Variants in GALNT7 observed in about 807,000 individuals in gnomAD.
The protein encoded by GALNT7 is polypeptide N-acetylgalactosaminyltransferase 7.
A neutral mutation model predicts 82.1 loss-of-function variants in GALNT7; 60 were observed. That is an observed-to-expected ratio of 0.73 (90% CI 0.59 to 0.91). The LOEUF is 0.91. Among genes scored for constraint, GALNT7 ranks in the 40% least tolerant of loss-of-function variants. The probability of loss-of-function intolerance (pLI) is 0.00; values close to 1 mark genes in which losing one functional copy is unlikely to be tolerated. For missense variants in GALNT7, 660 were observed against 804.2 expected, an observed-to-expected ratio of 0.82 and a Z score of 2.17; for synonymous variants, 243 against 275.1, an observed-to-expected ratio of 0.88 and a Z score of 1.15.
chr4:173,186,609 A>G (rs1732468929), intron 1 of GALNT7, among the ~76,000 whole-genome samples: 1 of 152,216 alleles, frequency 6.6e-6, no homozygotes, highest in African/African-American at 2.4e-5. Flanking sequence ...TTAAAAATGA[A>G]AATACTTAAG....
intron 2 of GALNT7, among the ~76,000 whole-genome samples, chr4:173,266,339 C>T (rs956600003): frequency 4.6e-5 from 7 of 152,106 alleles, no homozygotes; most frequent in African/African-American, 7.2e-5. Context: ...TGTGAGAGAT[C>T]CCTCACTTTG....
rs956511120 is a variant in GALNT7, at chr4:173,184,309, A to G, written c.126+15348A>G. On this transcript the variant is annotated intron_variant, in intron 1 of 11. Coordinates refer to ENST00000265000, the MANE Select transcript of GALNT7 (RefSeq NM_017423.3). Reference sequence around the variant, plus strand: ...GCCACTGCACTCCAGCCTGGGCAACATTGAGCACTGAGTGAGCGAGACTCC... The same window carrying G: ...GCCACTGCACTCCAGCCTGGGCAACGTTGAGCACTGAGTGAGCGAGACTCC... 2.6e-5 allele frequency among the ~76,000 whole-genome samples: 4 copies of G among 152,156 alleles called. No individual in the cohort carries two copies. In the South Asian group the frequency reaches 6.2e-4, roughly 24 times the overall value.
intron 1 of GALNT7, among the ~76,000 whole-genome samples, chr4:173,229,098 C>T (rs961108255): frequency 6.6e-5 from 10 of 152,164 alleles, no homozygotes; most frequent in Admixed American, 6.5e-5. Context: ...ATAGCAAGCA[C>T]GGTAGCTCAG....
At chr4:173,310,775 G>GC (rs1038987945) in intron 8 of GALNT7, among the ~76,000 whole-genome samples, 1 of 152,018 alleles carries the variant, frequency 6.6e-6, no homozygotes, top group Non-Finnish European at 1.5e-5. Flanking sequence ...CACTCTTGTT[G>GC]CCCAGGCTAG....
chr4:173,182,032 C>T (rs1429907431), intron 1 of GALNT7, among the ~76,000 whole-genome samples: 1 of 152,190 alleles, frequency 6.6e-6, no homozygotes, highest in African/African-American at 2.4e-5. Context: ...TTGACCACCG[C>T]TCTGTTAACT....
intron 1 of GALNT7, among the ~76,000 whole-genome samples, chr4:173,190,460 A>G (rs1028056134): frequency 1.3e-5 from 2 of 152,224 alleles, no homozygotes; most frequent in Non-Finnish European, 2.9e-5. Flanking sequence ...AAAGTTGTAT[A>G]AGTAAGGGTC....
chr4:173,267,857 G>T (rs1316036907), intron 2 of GALNT7, among the ~76,000 whole-genome samples: 1 of 152,142 alleles, frequency 6.6e-6, no homozygotes, highest in Non-Finnish European at 1.5e-5. Flanking sequence ...CCACCGGTTG[G>T]AGGTCACAGT....
intron 1 of GALNT7, among the ~76,000 whole-genome samples, chr4:173,183,858 C>T (rs373606522): frequency 0.014 from 2,080 of 150,300 alleles, 39 homozygotes; most frequent in East Asian, 0.059. Context: ...GGCTGCCGGG[C>T]GGAGACGCTC....
chr4:173,248,544 T>G, intron 2 of GALNT7, 104 bp downstream of exon 2: 1 of 717,656 alleles, frequency 1.4e-6, no homozygotes, highest in Non-Finnish European at 2.3e-6. Flanking sequence ...ATTGATGCCT[T>G]TATTTCAAGG....
intron 2 of GALNT7, among the ~76,000 whole-genome samples, chr4:173,277,561 G>A (rs570294047): frequency 1.3e-5 from 2 of 152,258 alleles, no homozygotes; most frequent in African/African-American, 2.4e-5. Flanking sequence ...ACGTCACATG[G>A]TTGCTTTTTC....
intron 10 of GALNT7, 88 bp from the exon 11 acceptor site, chr4:173,318,343 A>T: frequency 1.0e-6 from 1 of 953,072 alleles, no homozygotes; most frequent in Non-Finnish European, 1.6e-6. Flanking sequence ...CATTCAATTT[A>T]ATTATAGGAG....
chr4:173,198,908 G>C (rs1732861918), intron 1 of GALNT7, among the ~76,000 whole-genome samples: 2 of 152,228 alleles, frequency 1.3e-5, no homozygotes, highest in African/African-American at 2.4e-5. Context: ...GTCATAAAAG[G>C]CCTCTTGAAG....
Position 173,295,395 on chromosome 4 carries a change from GA to G in GALNT7, c.756del (p.Glu252AspfsTer3). ...TAATATCGATTGATTTTTCTTAACA[GA>G]ACACTTAAAAGAAAAACTGGATGAA... is the stretch of plus-strand genomic sequence containing the variant. ...IVLIDDFSNKEHLKEKLDEYI... is the reference protein window; with the variant it reads ...IVLIDDFSNKXHLKEKLDEYI... On this transcript the variant is annotated frameshift_variant and splice_region_variant, in exon 4 of 12. Coordinates refer to ENST00000265000, the MANE Select transcript of GALNT7 (RefSeq NM_017423.3). LOFTEE classifies it high-confidence loss of function. 6.4e-7 allele frequency: 1 copy of G among 1,566,220 alleles called. No individual in the cohort carries two copies.
intron 2 of GALNT7, among the ~76,000 whole-genome samples, chr4:173,287,570 G>C (rs1736369798): frequency 6.6e-6 from 1 of 152,234 alleles, no homozygotes; most frequent in Admixed American, 6.5e-5. Context: ...TGGAGGGAAA[G>C]GCTGGAGGGG....
chr4:173,294,728 G>A (rs1448151970), intron 3 of GALNT7, among the ~76,000 whole-genome samples: 2 of 151,936 alleles, frequency 1.3e-5, no homozygotes, highest in African/African-American at 4.8e-5. Context: ...AATGTGTCTG[G>A]TTTTTATAAC....
At chr4:173,175,308 G>A (rs990512559) in intron 1 of GALNT7, among the ~76,000 whole-genome samples, 1 of 152,144 alleles carries the variant, frequency 6.6e-6, no homozygotes, top group Admixed American at 6.5e-5. Context: ...CATGTATTTG[G>A]TTGTTTATTT....
At chr4:173,265,384 G>A (rs1391386534) in intron 2 of GALNT7, among the ~76,000 whole-genome samples, 2 of 152,032 alleles carry the variant, frequency 1.3e-5, no homozygotes, top group African/African-American at 4.8e-5. Context: ...CCATATCTCT[G>A]TATATACATT....
At chr4:173,236,153 C>T (rs1734223074) in intron 1 of GALNT7, among the ~76,000 whole-genome samples, 1 of 152,142 alleles carries the variant, frequency 6.6e-6, no homozygotes, top group Admixed American at 6.5e-5. Context: ...ACAGATCCAT[C>T]CTCTAGCTGG....
chr4:173,169,567 G>C (rs985242174), intron 1 of GALNT7: 4 of 151,666 alleles, frequency 2.6e-5, no homozygotes, highest in Admixed American at 2.6e-4. Flanking sequence ...GGCTCTTACG[G>C]AGAGCGCGCC....
Sources: allele counts gnomAD v4.1 joint callset (sites outside exome capture counted in the v4.1 genomes callset), GRCh38; gene constraint gnomAD v4.1.1; transcripts MANE v1.5; gene names NCBI Gene and HGNC (gene_info 2026-07-23, HGNC 2026-07-21).